PRRX2: variants seen among roughly 807,000 people sequenced by gnomAD.
PRRX2 encodes paired mesoderm homeobox protein 2.
In PRRX2, 11 loss-of-function variants were observed where a neutral mutation model predicts 18.0. The observed-to-expected ratio is 0.61, with a 90% CI of 0.39 to 1.01. The LOEUF (loss-of-function observed/expected upper bound fraction) is 1.01. Among genes scored for constraint, PRRX2 ranks in the 50% least tolerant of loss-of-function variants. PRRX2 has a pLI of 0.01. For synonymous variants in PRRX2, 177 were observed against 154.8 expected (o/e 1.14, Z -1.06); for missense variants, 387 against 351.0 (o/e 1.10, Z -0.82).
intron 1 of PRRX2, among the ~76,000 whole-genome samples, chr9:129,674,192 C>G (rs1832136816): frequency 6.6e-6 from 1 of 152,200 alleles, no homozygotes; most frequent in African/African-American, 2.4e-5. Flanking sequence ...CTGCCCTGCT[C>G]TGTGTCCCTT....
At chr9:129,679,787 T>G (rs1832204721) in intron 1 of PRRX2, among the ~76,000 whole-genome samples, 1 of 152,134 alleles carries the variant, frequency 6.6e-6, no homozygotes, top group South Asian at 2.1e-4. Context: ...TTGTCCCCCA[T>G]GCAGCTCAGT....
At chr9:129,680,062 T>A (rs1267880486) in intron 1 of PRRX2, among the ~76,000 whole-genome samples, 1 of 152,046 alleles carries the variant, frequency 6.6e-6, no homozygotes, top group African/African-American at 2.4e-5. Context: ...ACCAGGCAGG[T>A]AGGGGATTAG....
At chr9:129,722,140 G>A (rs951180455) in intron 3 of PRRX2, 77 bp from the exon 4 acceptor site, 25 of 1,547,404 alleles carry the variant, frequency 1.6e-5, no homozygotes, top group African/African-American at 4.1e-5. Context: ...GGGGTGGCAG[G>A]ACCAGAGGCT....
Position 129,722,233 on chromosome 9 carries a change from A to G in PRRX2, c.643A>G (p.Ser215Gly). Residue 215 changes from serine (S) to glycine (G), a missense_variant, in exon 4 of 4, where the codon AGC (serine) becomes GGC (glycine). Transcript: ENST00000372469. ...CGCCCCCAGCACAGTGCCACCCTAC[A>G]GCCCTGGGAGCTCAGGCCCCGCAAC... ...SSPYSTVPPY[S>G]PGSSGPATPG... 1.2e-6 allele frequency: 2 copies of G among 1,613,832 alleles called. No individual in the cohort carries two copies. Among genetic ancestry groups the G allele is most frequent in the Non-Finnish European group, 1.7e-6 (2 of 1,179,916 alleles).
chr9:129,682,524 AG>A (rs1832245942), intron 1 of PRRX2, among the ~76,000 whole-genome samples: 2 of 151,942 alleles, frequency 1.3e-5, no homozygotes, highest in Non-Finnish European at 2.9e-5. Flanking sequence ...CCTCCGCCCC[AG>A]CCCCACCCTG....
intron 1 of PRRX2, among the ~76,000 whole-genome samples, chr9:129,702,323 G>A (rs967196397): frequency 6.6e-6 from 1 of 152,000 alleles, no homozygotes; most frequent in Non-Finnish European, 1.5e-5. Context: ...GCGTGAACCC[G>A]GGAGGCGGAG....
chr9:129,698,206 G>A (rs1247328230), intron 1 of PRRX2, among the ~76,000 whole-genome samples: 2 of 146,600 alleles, frequency 1.4e-5, no homozygotes, highest in African/African-American at 5.0e-5. Flanking sequence ...GAGCAGTGGA[G>A]CTGGGAGCTC....
intron 1 of PRRX2, chr9:129,718,658 T>C (rs13300642): frequency 0.021 from 3,130 of 152,416 alleles, 53 homozygotes; most frequent in Middle Eastern, 0.078. Flanking sequence ...TCTCTGACTC[T>C]TCCTCCTTAG....
intron 1 of PRRX2, among the ~76,000 whole-genome samples, chr9:129,666,702 G>C (rs1306710640): frequency 6.6e-6 from 1 of 152,130 alleles, no homozygotes; most frequent in Non-Finnish European, 1.5e-5. Flanking sequence ...CACCCAAGTG[G>C]CCTTTTTCAA....
At chr9:129,666,160 GGCCGGGGC>G in intron 1 of PRRX2, 34 bp downstream of exon 1, 2 of 967,992 alleles carry the variant, frequency 2.1e-6, no homozygotes, top group Non-Finnish European at 2.4e-6. Flanking sequence ...GGGGTGGCGG[GGCCGGGGC>G]CGGGGCCGGG....
intron 3 of PRRX2, among the ~76,000 whole-genome samples, chr9:129,721,676 C>T (rs1312927471): frequency 3.3e-5 from 5 of 152,064 alleles, no homozygotes. Flanking sequence ...GCCTCCCAGG[C>T]TCAAGCAATT....
chr9:129,668,734 A>C (rs1315272243), intron 1 of PRRX2, among the ~76,000 whole-genome samples: 1 of 143,460 alleles, frequency 7.0e-6, no homozygotes, highest in Non-Finnish European at 1.5e-5. Context: ...CCAAGATTGC[A>C]CCACTGCACA....
At chr9:129,682,833 A>G (rs1369483779) in intron 1 of PRRX2, among the ~76,000 whole-genome samples, 1 of 152,088 alleles carries the variant, frequency 6.6e-6, no homozygotes, top group Non-Finnish European at 1.5e-5. Flanking sequence ...GGCCGGGCCC[A>G]GTGGCTCATG....
intron 1 of PRRX2, among the ~76,000 whole-genome samples, chr9:129,696,685 C>T (rs1832427771): frequency 6.6e-6 from 1 of 152,172 alleles, no homozygotes; most frequent in Non-Finnish European, 1.5e-5. Flanking sequence ...GCTGTCTTGC[C>T]GCCTTGCCAA....
At chr9:129,683,667 G>A (rs576904987) in intron 1 of PRRX2, among the ~76,000 whole-genome samples, 3 of 152,162 alleles carry the variant, frequency 2.0e-5, no homozygotes, top group South Asian at 2.1e-4. Context: ...CCCGGGAGGC[G>A]GAGCTTGCAG....
At chr9:129,703,653 G>T (rs1340158199) in intron 1 of PRRX2, among the ~76,000 whole-genome samples, 2 of 152,204 alleles carry the variant, frequency 1.3e-5, no homozygotes, top group Middle Eastern at 3.4e-3. Flanking sequence ...GCATAATAAA[G>T]TGGGTTAAAT....
At chr9:129,702,479 G>A (rs1041653664) in intron 1 of PRRX2, among the ~76,000 whole-genome samples, 1 of 152,200 alleles carries the variant, frequency 6.6e-6, no homozygotes, top group African/African-American at 2.4e-5. Flanking sequence ...GGCGGCCACT[G>A]GCCATGTGTG....
chr9:129,712,105 T>G (rs950806708), intron 1 of PRRX2, among the ~76,000 whole-genome samples: 3 of 152,230 alleles, frequency 2.0e-5, no homozygotes, highest in Non-Finnish European at 4.4e-5. Context: ...CCGAGGCTCC[T>G]CTGAGAAGGC....
At position 129,715,671 on chromosome 9, in the gene PRRX2, G is replaced by A. The variant is rs1470433574; in HGVS notation, c.260-3560G>A. 4.0e-5 allele frequency among the ~76,000 whole-genome samples: 6 copies of A among 151,596 alleles called. No homozygotes were observed. The highest frequency in any genetic ancestry group is 7.3e-5 in the African/African-American group (3 of 41,240). ...GTAGCACCCCTTCCCCAGTCCTAACGATCAAAAATGTCTCACAGGGGCAAA... is the reference window on the plus strand; with the variant it reads ...GTAGCACCCCTTCCCCAGTCCTAACAATCAAAAATGTCTCACAGGGGCAAA... On this transcript the variant is annotated intron_variant, in intron 1 of 3. Transcript: ENST00000372469. This position sits in a 1 kb window ranked among gnomAD's most constrained non-coding sequence, Gnocchi z 4.0.
Sources: allele counts gnomAD v4.1 joint callset (sites outside exome capture counted in the v4.1 genomes callset), GRCh38; gene constraint gnomAD v4.1.1; non-coding constraint Gnocchi (gnomAD v3.1); transcripts MANE v1.5; gene names NCBI Gene and HGNC (gene_info 2026-07-23, HGNC 2026-07-21).